The following PPM1H variants were observed in gnomAD, a reference collection of about 807,000 sequenced individuals.
PPM1H encodes protein phosphatase 1H.
Under a neutral mutation model 54.9 loss-of-function variants are expected in PPM1H, and 27 were observed. The observed-to-expected ratio is 0.49, with a 90% CI of 0.36 to 0.68. The LOEUF (loss-of-function observed/expected upper bound fraction) is 0.68, where lower values mean the gene tolerates loss of function less well. PPM1H is among the 30% of genes least tolerant of loss of function. The pLI is 0.00. For synonymous variants in PPM1H, 305 were observed against 270.8 expected (o/e 1.13, Z -1.24); for missense variants, 596 against 667.8 (o/e 0.89, Z 1.19).
intron 7 of PPM1H, among the ~76,000 whole-genome samples, chr12:62,693,716 G>A (rs769294123): frequency 1.3e-5 from 2 of 152,156 alleles, no homozygotes; most frequent in Non-Finnish European, 2.9e-5. Context: ...CACAAAATTG[G>A]CTTGAGTCCC....
chr12:62,797,824 T>C (rs2652027), intron 3 of PPM1H, among the ~76,000 whole-genome samples: 31,641 of 152,170 alleles, frequency 0.21, 4,299 homozygotes, highest in African/African-American at 0.39. Flanking sequence ...CTGAAATCTC[T>C]GATGACGCAA....
intron 1 of PPM1H, among the ~76,000 whole-genome samples, chr12:62,913,227 T>C (rs1331842952): frequency 6.6e-6 from 1 of 152,040 alleles, no homozygotes; most frequent in Non-Finnish European, 1.5e-5. Flanking sequence ...GAAAAGGGAA[T>C]GTGGTGAGAA....
intron 4 of PPM1H, among the ~76,000 whole-genome samples, chr12:62,761,668 G>A (rs1410059842): frequency 6.6e-6 from 1 of 152,142 alleles, no homozygotes; most frequent in Non-Finnish European, 1.5e-5. Flanking sequence ...GGATGGAGAA[G>A]GGTACTGAGA....
chr12:62,655,560 T>G (rs2075839322), intron 9 of PPM1H, among the ~76,000 whole-genome samples: 1 of 152,194 alleles, frequency 6.6e-6, no homozygotes, highest in Admixed American at 6.5e-5. Flanking sequence ...AAAGGAGAAC[T>G]GTAGAAAGTA....
At chr12:62,786,034 C>T (rs1309779102) in intron 4 of PPM1H, among the ~76,000 whole-genome samples, 1 of 152,174 alleles carries the variant, frequency 6.6e-6, no homozygotes, top group Non-Finnish European at 1.5e-5. Context: ...GCAAGGCACT[C>T]AGTCACTTCC....
intron 2 of PPM1H, among the ~76,000 whole-genome samples, chr12:62,815,521 A>G (rs2076861411): frequency 6.6e-6 from 1 of 152,240 alleles, no homozygotes; most frequent in East Asian, 1.9e-4. Context: ...TAGTTTATAC[A>G]TCAACAACTT....
In PPM1H at chr12:62,756,223, C is replaced by T. The variant is rs1271132851; in HGVS notation, c.870-18637G>A. The T allele has an allele frequency of 4.9e-6, 4 of 818,952 alleles. No homozygotes were observed. The East Asian group carries it at 1.1e-4, about 22-fold the overall frequency. The allele number at this position is 818,952 out of a possible 1,614,324, so 50.7% of individuals were successfully genotyped here. A position where few individuals can be genotyped will look rare whatever the true frequency, so the allele number is the denominator to read the frequency against. On this transcript the variant is annotated intron_variant, in intron 4 of 9. Transcript: ENST00000228705. ...GTGGACCTCATGGCCCACATGACTT[C>T]CAAGGAGTAAGACCCCTGGACTACC...
At chr12:62,660,070 A>C (rs1043383355) in intron 9 of PPM1H, among the ~76,000 whole-genome samples, 1 of 152,164 alleles carries the variant, frequency 6.6e-6, no homozygotes, top group African/African-American at 2.4e-5. Context: ...TTTCCTCATC[A>C]CAGAAATTAT....
At chr12:62,715,453 G>A (rs2076229770) in intron 6 of PPM1H, among the ~76,000 whole-genome samples, 2 of 152,074 alleles carry the variant, frequency 1.3e-5, no homozygotes, top group South Asian at 4.1e-4. Flanking sequence ...GAGGGGGAAG[G>A]GGAGGTGGGG....
intron 1 of PPM1H, among the ~76,000 whole-genome samples, chr12:62,851,375 A>G (rs534386117): frequency 6.6e-6 from 1 of 152,362 alleles, no homozygotes; most frequent in South Asian, 2.1e-4. Flanking sequence ...AGAAATCCCT[A>G]AATCTACAGT....
At chr12:62,932,919 A>C in intron 1 of PPM1H, among the ~76,000 whole-genome samples, 1 of 151,784 alleles carries the variant, frequency 6.6e-6, no homozygotes, top group Non-Finnish European at 1.5e-5. Flanking sequence ...ACAGGCGTGA[A>C]CCACCGCGCC....
intron 1 of PPM1H, among the ~76,000 whole-genome samples, chr12:62,869,880 A>T (rs1869918659): frequency 6.6e-6 from 1 of 151,462 alleles, no homozygotes; most frequent in Non-Finnish European, 1.5e-5. Flanking sequence ...CTTACCCCCA[A>T]CTCTTTTCTC....
At chr12:62,663,622 T>G (rs1181264798) in intron 9 of PPM1H, among the ~76,000 whole-genome samples, 1 of 152,172 alleles carries the variant, frequency 6.6e-6, no homozygotes, top group Non-Finnish European at 1.5e-5. Flanking sequence ...CCATTGGTAT[T>G]ATGGTTATAA....
chr12:62,814,785 A>T (rs2076855823), intron 2 of PPM1H, among the ~76,000 whole-genome samples: 1 of 152,190 alleles, frequency 6.6e-6, no homozygotes, highest in Admixed American at 6.5e-5. Flanking sequence ...TGAGCACAGA[A>T]TGCACTTTCT....
chr12:62,661,470 G>A (rs2075883151), intron 9 of PPM1H, among the ~76,000 whole-genome samples: 3 of 152,112 alleles, frequency 2.0e-5, no homozygotes, highest in South Asian at 2.1e-4. Context: ...GCACCATCTC[G>A]GCTCACTGCA....
chr12:62,933,188 A>T (rs1872203723), intron 1 of PPM1H, among the ~76,000 whole-genome samples: 1 of 151,718 alleles, frequency 6.6e-6, no homozygotes, highest in Admixed American at 6.6e-5. Flanking sequence ...TCACTTTCAC[A>T]CTCCAATCGT....
intron 1 of PPM1H, among the ~76,000 whole-genome samples, chr12:62,877,075 G>A (rs1328807100): frequency 6.6e-6 from 1 of 152,130 alleles, no homozygotes; most frequent in Non-Finnish European, 1.5e-5. Flanking sequence ...AAAAGTTATT[G>A]TGTTCACTGA....
chr12:62,743,628 C>T (rs2076394421), intron 4 of PPM1H, among the ~76,000 whole-genome samples: 1 of 151,850 alleles, frequency 6.6e-6, no homozygotes, highest in Non-Finnish European at 1.5e-5. Flanking sequence ...TTAAAGGGAT[C>T]ATATTAACTC....
intron 4 of PPM1H, chr12:62,755,331 CT>C: frequency 8.7e-7 from 1 of 1,148,820 alleles, no homozygotes; most frequent in Non-Finnish European, 1.3e-6. Context: ...TCAATGACCC[CT>C]TCATTGACCT....
Sources: allele counts gnomAD v4.1 joint callset (sites outside exome capture counted in the v4.1 genomes callset), GRCh38; gene constraint gnomAD v4.1.1; transcripts MANE v1.5; gene names NCBI Gene and HGNC (gene_info 2026-07-23, HGNC 2026-07-21).